The following GTF2A1L variants were observed in gnomAD, a reference collection of about 807,000 sequenced individuals.
GTF2A1L encodes the protein TFIIA-alpha and beta-like factor.
A neutral mutation model predicts 49.7 loss-of-function variants in GTF2A1L; 48 were observed. The observed-to-expected ratio is 0.97, with a 90% CI of 0.77 to 1.23. The LOEUF (loss-of-function observed/expected upper bound fraction) is 1.23, where lower values mean the gene tolerates loss of function less well. Ranked by LOEUF, GTF2A1L falls within the 50% of genes most tolerant of loss-of-function variation. GTF2A1L has a pLI of 0.00. For synonymous variants in GTF2A1L, 246 were observed against 193.5 expected (o/e 1.27, Z -2.25); for missense variants, 736 against 564.8 (o/e 1.30, Z -3.07).
Position 48,627,932 on chromosome 2 carries a change from G to A in GTF2A1L, c.247+6642G>A, listed in dbSNP as rs1404067789. Reference sequence around the variant, plus strand: ...TCTTGTTGGCATCTTTATGTCCATGGGTACTCAATGTTTAGCTTCTATTTG... The same window carrying A: ...TCTTGTTGGCATCTTTATGTCCATGAGTACTCAATGTTTAGCTTCTATTTG... On this transcript the variant is annotated intron_variant, in intron 3 of 8. Coordinates refer to ENST00000403751, the MANE Select transcript of GTF2A1L (RefSeq NM_006872.5). 1.4e-5 allele frequency among the ~76,000 whole-genome samples: 2 copies of A among 143,330 alleles called. 1 individual carries two copies. The highest frequency in any genetic ancestry group is 1.4e-4 in the Admixed American group (2 of 14,096). 94.0% of individuals were successfully genotyped at this position (143,330 alleles called of 152,430 possible). A position where few individuals can be genotyped will look rare whatever the true frequency, so the allele number is the denominator to read the frequency against.
intron 3 of GTF2A1L, among the ~76,000 whole-genome samples, chr2:48,633,885 A>G (rs947745065): frequency 2.9e-5 from 2 of 69,660 alleles, no homozygotes; most frequent in African/African-American, 4.5e-5. Flanking sequence ...TCATTATATA[A>G]TGGCCTTCTT....
intron 4 of GTF2A1L, among the ~76,000 whole-genome samples, chr2:48,643,268 C>T (rs981335070): frequency 6.6e-6 from 1 of 152,154 alleles, no homozygotes; most frequent in Non-Finnish European, 1.5e-5. Context: ...TACAAGTTAA[C>T]ATAGAAAACC....
Position 48,646,688 on chromosome 2 carries a change from A to G in GTF2A1L, c.624A>G (p.Lys208=). The G allele has an allele frequency of 6.2e-7, 1 of 1,614,154 alleles. No homozygotes were observed. The highest frequency in any genetic ancestry group is 8.5e-7 in the Non-Finnish European group (1 of 1,180,010). Residue 208 remains lysine (K), a synonymous_variant, in exon 6 of 9, where the codon AAA becomes AAG. Coordinates refer to ENST00000403751, the MANE Select transcript of GTF2A1L (RefSeq NM_006872.5). ...AILPSGPVDR[K]HLENATSDIL... The stretch of plus-strand genomic sequence containing the variant: ...TACCTTCTGGGCCAGTAGATAGGAA[A>G]CACTTAGAAAATGCCACCAGTGATA...
intron 6 of GTF2A1L, among the ~76,000 whole-genome samples, chr2:48,658,234 G>A (rs1678287756): frequency 6.6e-6 from 1 of 152,102 alleles, no homozygotes; most frequent in African/African-American, 2.4e-5. Flanking sequence ...TATAGTTTGA[G>A]ATCTTACATT....
intron 6 of GTF2A1L, among the ~76,000 whole-genome samples, chr2:48,657,505 T>C (rs1355615620): frequency 1.3e-5 from 2 of 152,200 alleles, no homozygotes; most frequent in Non-Finnish European, 2.9e-5. Context: ...GTCCACCATG[T>C]ATGGGCACCT....
At chr2:48,631,656 A>G (rs1403871542) in intron 3 of GTF2A1L, among the ~76,000 whole-genome samples, 1 of 151,792 alleles carries the variant, frequency 6.6e-6, no homozygotes, top group Non-Finnish European at 1.5e-5. Flanking sequence ...TTGGGTCTCA[A>G]TTTTGTTGTG....
chr2:48,642,786 G>A (rs1028919246), intron 4 of GTF2A1L, among the ~76,000 whole-genome samples: 2 of 152,056 alleles, frequency 1.3e-5, no homozygotes, highest in Non-Finnish European at 2.9e-5. Flanking sequence ...AACCTGGGAG[G>A]CGGAGGTTGC....
chr2:48,619,862 C>G (rs1159592130), intron 1 of GTF2A1L, among the ~76,000 whole-genome samples: 1 of 152,120 alleles, frequency 6.6e-6, no homozygotes, highest in African/African-American at 2.4e-5. Context: ...GCATGTTTGA[C>G]TAGGAGGTAT....
At chr2:48,635,979 G>A (rs1488433400) in intron 3 of GTF2A1L, among the ~76,000 whole-genome samples, 10 of 152,192 alleles carry the variant, frequency 6.6e-5, no homozygotes, top group Non-Finnish European at 8.8e-5. Context: ...CACTGAGGGA[G>A]GCTGTCTTTC....
At chr2:48,663,501 C>G (rs1426118752) in intron 6 of GTF2A1L, among the ~76,000 whole-genome samples, 4 of 152,112 alleles carry the variant, frequency 2.6e-5, no homozygotes, top group Non-Finnish European at 5.9e-5. Flanking sequence ...GTTTATTTTA[C>G]TTGTCCTAAA....
At chr2:48,652,604 G>T (rs1677915929) in intron 6 of GTF2A1L, among the ~76,000 whole-genome samples, 1 of 151,524 alleles carries the variant, frequency 6.6e-6, no homozygotes, top group African/African-American at 2.4e-5. Flanking sequence ...AACAGAGCGA[G>T]ACCCCATCTC....
intron 3 of GTF2A1L, among the ~76,000 whole-genome samples, chr2:48,635,564 C>G (rs983242595): frequency 6.6e-6 from 1 of 152,050 alleles, no homozygotes; most frequent in East Asian, 1.9e-4. Context: ...TCTCATTGCC[C>G]AGGAGAGACT....
intron 1 of GTF2A1L, among the ~76,000 whole-genome samples, chr2:48,619,583 A>G (rs1271388927): frequency 6.6e-6 from 1 of 152,146 alleles, no homozygotes; most frequent in African/African-American, 2.4e-5. Context: ...ATAGGGTAGG[A>G]TGAAAAGGCA....
chr2:48,627,684 A>T (rs1370389880), intron 3 of GTF2A1L, among the ~76,000 whole-genome samples: 5 of 144,264 alleles, frequency 3.5e-5, no homozygotes, highest in African/African-American at 1.2e-4. Context: ...TTTCAAGTAA[A>T]AATGGTGTTT....
chr2:48,661,223 C>T (rs1678474307), intron 6 of GTF2A1L, among the ~76,000 whole-genome samples: 1 of 137,234 alleles, frequency 7.3e-6, no homozygotes, highest in Admixed American at 7.4e-5. Flanking sequence ...TGTCCCTCCC[C>T]ATTGTTTTCA....
intron 3 of GTF2A1L, among the ~76,000 whole-genome samples, chr2:48,626,386 G>GA (rs1329122710): frequency 9.1e-5 from 13 of 143,018 alleles, no homozygotes; most frequent in Non-Finnish European, 1.3e-4. Context: ...ATGAATTTTA[G>GA]ACTTTTTTTT....
At position 48,653,074 on chromosome 2, in the gene GTF2A1L, A is replaced by G. The variant is rs904204026; in HGVS notation, c.978+6032A>G. ...GAAACCCCATCTCTACTAAAAATAC[A>G]AAAAATTAGCCTGGCGTGCGGCTGT... On this transcript the variant is annotated intron_variant, in intron 6 of 8. Transcript: ENST00000403751. 5.3e-5 allele frequency among the ~76,000 whole-genome samples: 8 copies of G among 151,742 alleles called. No individual in the cohort carries two copies. In the South Asian group the frequency reaches 6.3e-4, roughly 12 times the overall value.
At chr2:48,643,792 C>A (rs1677337716) in intron 4 of GTF2A1L, among the ~76,000 whole-genome samples, 1 of 150,972 alleles carries the variant, frequency 6.6e-6, no homozygotes, top group Non-Finnish European at 1.5e-5. Context: ...CTCCGCCTCC[C>A]AGGTTCAAGT....
chr2:48,664,499 A>G (rs947614277), intron 6 of GTF2A1L, among the ~76,000 whole-genome samples: 2 of 151,982 alleles, frequency 1.3e-5, no homozygotes, highest in African/African-American at 2.4e-5. Context: ...TTTTGCTTCT[A>G]TGTTCATGAG....
Sources: gnomAD v4.1 joint callset for allele counts (sites outside exome capture counted in the v4.1 genomes callset) on GRCh38, gnomAD v4.1.1 for gene constraint, MANE v1.5 for transcripts, NCBI Gene and HGNC (gene_info 2026-07-23, HGNC 2026-07-21) for gene names.